TIMM17A: variants seen among roughly 807,000 people sequenced by gnomAD.
TIMM17A encodes the protein translocase of inner mitochondrial membrane 17A, also known as mitochondrial import inner membrane translocase subunit Tim17-A.
TIMM17A carries 15 observed loss-of-function variants against 26.5 expected under a neutral mutation model. The ratio of observed to expected loss-of-function variants is 0.57; its 90% confidence interval spans 0.38 to 0.87. The LOEUF is 0.87. TIMM17A is among the 40% of genes least tolerant of loss of function. TIMM17A has a pLI of 0.00. For synonymous variants in TIMM17A, 80 were observed against 70.8 expected (o/e 1.13, Z -0.66); for missense variants, 201 against 210.0 (o/e 0.96, Z 0.27).
chr1:201,964,644 T>A lies in TIMM17A; in HGVS notation c.320-789T>A, dbSNP rs12043461. ...TTATTTTATTTTATTTCTTTTTTTT[T>A]TTTTTTTTTTTTTTTTTTTTTTGAG... is the stretch of plus-strand genomic sequence containing the variant. On this transcript the variant is annotated intron_variant, in intron 4 of 5. Transcript: ENST00000367287. Among the ~76,000 whole-genome samples the A allele has an allele frequency of 5.4e-3, 516 of 96,020 alleles. 1 individual carries two copies. Among genetic ancestry groups the A allele is most frequent in the South Asian group, 0.01 (26 of 2,490 alleles). 63.0% of individuals were successfully genotyped at this position (96,020 alleles called of 152,430 possible). A position where few individuals can be genotyped will look rare whatever the true frequency, so the allele number is the denominator to read the frequency against.
chr1:201,969,624 C>A lies in TIMM17A; in HGVS notation c.*70C>A. 1.5e-6 allele frequency: 2 copies of A among 1,371,346 alleles called. No homozygotes were observed. Among genetic ancestry groups the A allele is most frequent in the Non-Finnish European group, 2.1e-6 (2 of 963,958 alleles). 84.9% of individuals were successfully genotyped at this position (1,371,346 alleles called of 1,614,324 possible). On this transcript the variant is annotated 3_prime_UTR_variant, in exon 6 of 6. Coordinates refer to ENST00000367287, the MANE Select transcript of TIMM17A (RefSeq NM_006335.3). ...AGAAGGATTTCAGAAGATCAAGTTA[C>A]AGTCTGTTTTTAAAACCATAGGTGG...
chr1:201,956,917 T>C (rs1252243981), intron 1 of TIMM17A, among the ~76,000 whole-genome samples: 1 of 150,606 alleles, frequency 6.6e-6, no homozygotes, highest in Non-Finnish European at 1.5e-5. Flanking sequence ...GATTGCGCCA[T>C]TGCACTCCAG....
intron 5 of TIMM17A, among the ~76,000 whole-genome samples, chr1:201,967,903 T>G (rs538501723): frequency 2.0e-5 from 3 of 152,284 alleles, no homozygotes; most frequent in Admixed American, 1.3e-4. Flanking sequence ...GGTGTATTTA[T>G]TTTTAGACAA....
At chr1:201,963,925 G>A (rs1450910428) in intron 4 of TIMM17A, among the ~76,000 whole-genome samples, 181 bp downstream of exon 4, 2 of 151,842 alleles carry the variant, frequency 1.3e-5, no homozygotes, top group African/African-American at 4.8e-5. Flanking sequence ...AGGAGCTTGA[G>A]ATCAGATATA....
intron 4 of TIMM17A, among the ~76,000 whole-genome samples, chr1:201,964,639 T>TTTC (rs1682592904): frequency 1.2e-4 from 2 of 16,380 alleles, no homozygotes; most frequent in African/African-American, 3.0e-4. Flanking sequence ...TTATTTCTTT[T>TTTC]TTTTTTTTTT....
At chr1:201,961,602 A>G (rs1013301236) in intron 3 of TIMM17A, among the ~76,000 whole-genome samples, 3 of 152,150 alleles carry the variant, frequency 2.0e-5, no homozygotes, top group Admixed American at 1.3e-4. Flanking sequence ...CTGTAATCCC[A>G]GCACTTTGGG....
intron 3 of TIMM17A, among the ~76,000 whole-genome samples, chr1:201,959,030 T>A (rs561889605): frequency 6.6e-6 from 1 of 152,120 alleles, no homozygotes; most frequent in African/African-American, 2.4e-5. Context: ...GAATGATGAG[T>A]GGTATTAAAA....
intron 4 of TIMM17A, among the ~76,000 whole-genome samples, chr1:201,963,963 A>C (rs6694080): frequency 6.6e-6 from 1 of 151,978 alleles, no homozygotes; most frequent in Non-Finnish European, 1.5e-5. Context: ...CAAAAAAAAA[A>C]ATTTAATTAG....
chr1:201,967,995 G>A (rs191360051), intron 5 of TIMM17A, among the ~76,000 whole-genome samples: 151 of 151,842 alleles, frequency 9.9e-4, no homozygotes, highest in Non-Finnish European at 1.8e-3. Context: ...ACATGAAAAA[G>A]TTTGTCTTGT....
chr1:201,961,465 C>T (rs995325739), intron 3 of TIMM17A, among the ~76,000 whole-genome samples: 4 of 152,178 alleles, frequency 2.6e-5, no homozygotes, highest in African/African-American at 9.7e-5. Flanking sequence ...ACGTTTCAGG[C>T]TCATCTTGTA....
Position 201,969,503 on chromosome 1 carries a change from T to C in TIMM17A, c.465T>C (p.Pro155=), listed in dbSNP as rs1394952023. The change falls in exon 6 of 6, where the codon CCT becomes CCC. Residue 155 remains proline (P), a synonymous_variant. Coordinates refer to ENST00000367287, the MANE Select transcript of TIMM17A (RefSeq NM_006335.3). ...PQFAEDPSQL[P]STQLPSSPFG... ...TTGCAGAAGACCCCTCCCAGTTGCC[T>C]TCAACTCAGTTACCTTCCTCACCTT... The C allele has an allele frequency of 6.2e-7, 1 of 1,613,872 alleles. No homozygotes were observed. Among genetic ancestry groups the C allele is most frequent in the Non-Finnish European group, 8.5e-7 (1 of 1,179,930 alleles).
chr1:201,961,250 G>A (rs1682522535), intron 3 of TIMM17A, among the ~76,000 whole-genome samples: 1 of 151,566 alleles, frequency 6.6e-6, no homozygotes, highest in Admixed American at 6.6e-5. Flanking sequence ...GTATTTTAGT[G>A]GAGATGGGGT....
At chr1:201,968,589 G>A (rs1039158333) in intron 5 of TIMM17A, among the ~76,000 whole-genome samples, 4 of 151,048 alleles carry the variant, frequency 2.6e-5, no homozygotes, top group African/African-American at 4.9e-5. Flanking sequence ...ACGGGGTTTC[G>A]CCATGTTGTC....
At chr1:201,956,915 C>A (rs990882559) in intron 1 of TIMM17A, among the ~76,000 whole-genome samples, 8 of 146,096 alleles carry the variant, frequency 5.5e-5, no homozygotes, top group African/African-American at 1.5e-4. Context: ...AAGATTGCGC[C>A]ATTGCACTCC....
intron 5 of TIMM17A, among the ~76,000 whole-genome samples, chr1:201,969,035 A>G (rs1682687026): frequency 6.6e-6 from 1 of 152,156 alleles, no homozygotes. Flanking sequence ...TATAAATTGG[A>G]TTACCAAGTT....
chr1:201,969,966 C>T lies in TIMM17A; in HGVS notation c.*412C>T, dbSNP rs566826460. 7 of 160,160 alleles carry T rather than the reference C, an allele frequency of 4.4e-5. No homozygotes were observed. The highest frequency in any genetic ancestry group is 3.7e-4 in the East Asian group (2 of 5,374). 9.9% of individuals were successfully genotyped at this position (160,160 alleles called of 1,614,324 possible). A position where few individuals can be genotyped will look rare whatever the true frequency, so the allele number is the denominator to read the frequency against. ...TTCTTTTAAGATAAGTTGTAGACTT[C>T]GATGTTTCATGCTCATGTACTTCAA... On this transcript the variant is annotated 3_prime_UTR_variant, in exon 6 of 6. Transcript: ENST00000367287.
Position 201,969,641 on chromosome 1 carries a change from C to T in TIMM17A, c.*87C>T, listed in dbSNP as rs866574413. 2.2e-5 allele frequency: 26 copies of T among 1,186,624 alleles called. 1 individual carries two copies. The Middle Eastern group carries it at 1.4e-3, about 62-fold the overall frequency. 73.5% of individuals were successfully genotyped at this position (1,186,624 alleles called of 1,614,324 possible). Reference sequence around the variant, plus strand: ...TCAAGTTACAGTCTGTTTTTAAAACCATAGGTGGGACAGCTATGGCCAATA... The same window carrying T: ...TCAAGTTACAGTCTGTTTTTAAAACTATAGGTGGGACAGCTATGGCCAATA... On this transcript the variant is annotated 3_prime_UTR_variant, in exon 6 of 6. Transcript: ENST00000367287.
chr1:201,962,160 G>T (rs141370825), intron 3 of TIMM17A: 8 of 152,180 alleles, frequency 5.3e-5, no homozygotes, highest in Non-Finnish European at 7.4e-5. Flanking sequence ...AAATGGGAGG[G>T]TCTTGTCAGA....
At chr1:201,959,081 C>T (rs1682476502) in intron 3 of TIMM17A, among the ~76,000 whole-genome samples, 1 of 152,176 alleles carries the variant, frequency 6.6e-6, no homozygotes, top group South Asian at 2.1e-4. Context: ...ATGCAGAAGC[C>T]ATATAGGTTT....
Sources: gnomAD v4.1 joint callset for allele counts (sites outside exome capture counted in the v4.1 genomes callset) on GRCh38, gnomAD v4.1.1 for gene constraint, MANE v1.5 for transcripts, NCBI Gene and HGNC (gene_info 2026-07-23, HGNC 2026-07-21) for gene names.